Variants in APOB observed in about 807,000 individuals in gnomAD.
APOB encodes the protein apolipoprotein B-100.
A neutral mutation model predicts 314.1 loss-of-function variants in APOB; 153 were observed. That is an observed-to-expected ratio of 0.49 (90% CI 0.43 to 0.56). The LOEUF is 0.56. Among genes scored for constraint, APOB ranks in the 20% least tolerant of loss-of-function variants. APOB has a pLI of 0.00. For synonymous variants in APOB, 2,087 were observed against 2,036.4 expected (o/e 1.02, Z -0.67); for missense variants, 5,430 against 5,350.7 (o/e 1.01, Z -0.46).
chr2:21,013,079 C>T (rs1321274717), intron 25 of APOB, 81 bp downstream of exon 25: 1 of 1,577,928 alleles, frequency 6.3e-7, no homozygotes, highest in Non-Finnish European at 8.7e-7. Flanking sequence ...AAGCCAAAGT[C>T]CTTTCCTCCC....
In APOB at chr2:21,041,026, G is replaced by A; in HGVS notation, c.295C>T (p.Leu99=). The change falls in exon 4 of 29, where the codon CTG becomes TTG. Residue 99 remains leucine (L), a synonymous_variant. Transcript: ENST00000233242. ...GGGTTGAAGCCATACACCTCTTTCA[G>A]GGTGCACTGGCTGGTCTTCAGGATG... is the stretch of plus-strand genomic sequence containing the variant. ...SFILKTSQCT[L]KEVYGFNPEG... 6.2e-7 allele frequency: 1 copy of A among 1,613,588 alleles called. No homozygotes were observed. Among genetic ancestry groups the A allele is most frequent in the Non-Finnish European group, 8.5e-7 (1 of 1,179,930 alleles).
chr2:21,006,952 C>T lies in APOB; in HGVS notation c.9916G>A (p.Val3306Ile). 3.1e-6 allele frequency: 5 copies of T among 1,614,026 alleles called. No homozygotes were observed. The highest frequency in any genetic ancestry group is 1.6e-4 in the Middle Eastern group (1 of 6,062). ...TTGAGATTTCTAGGGACATGAAGGA[C>T]TGGCAGCTCTAATGATGGCAGGATT... ...TLILPSLELP[V>I]LHVPRNLKLS... Residue 3306 changes from valine to isoleucine, a missense_variant, in exon 26 of 29, where the codon GTC becomes ATC. Transcript: ENST00000233242.
chr2:21,040,160 A>G (rs1057236497), intron 4 of APOB, among the ~76,000 whole-genome samples: 2 of 152,216 alleles, frequency 1.3e-5, no homozygotes, highest in Non-Finnish European at 2.9e-5. Context: ...CACCATCTAC[A>G]TAAGATGTGA....
At chr2:21,027,487 G>C (rs1234543462) in intron 14 of APOB, among the ~76,000 whole-genome samples, 1 of 151,932 alleles carries the variant, frequency 6.6e-6, no homozygotes, top group Non-Finnish European at 1.5e-5. Flanking sequence ...CTAATTTTTT[G>C]TATTTTTAGT....
In APOB at chr2:21,005,743, CA is replaced by C. The variant is rs1282116285; in HGVS notation, c.11124del (p.Phe3708LeufsTer16). The C allele has an allele frequency of 8.7e-6, 14 of 1,613,912 alleles. No homozygotes were observed. The highest frequency in any genetic ancestry group is 1.2e-5 in the Non-Finnish European group (14 of 1,179,956). ...TAGCCATTGGGGTTTTTGGTGTACA[CA>C]AAGGCAGTTGAAACACGAAGATGCT... The part of the protein sequence containing the change: ...RRQHLRVSTA[F>X]VYTKNPNGYS... On this transcript the variant is annotated frameshift_variant, in exon 26 of 29. Transcript: ENST00000233242. LOFTEE classifies it high-confidence loss of function.
chr2:21,030,241 C>T (rs911954219), intron 10 of APOB, among the ~76,000 whole-genome samples: 2 of 152,264 alleles, frequency 1.3e-5, no homozygotes, highest in Admixed American at 1.3e-4. Flanking sequence ...ATGGTACTGG[C>T]ATAAAAATAG....
At position 21,007,941 on chromosome 2, in the gene APOB, T is replaced by C; in HGVS notation, c.8927A>G (p.Tyr2976Cys). 1 of 1,614,092 alleles carries C rather than the reference T, an allele frequency of 6.2e-7. No individual in the cohort carries two copies. ...AGAAAAGTTGAGGGAGCCAGATTCA[T>C]AAACCAAGTTTTGGTTTACTCTTAG... The part of the protein sequence containing the change: ...KHLRVNQNLV[Y>C]ESGSLNFSKL... The change falls in exon 26 of 29, where the codon TAT becomes TGT. Residue 2976 changes from tyrosine to cysteine, a missense_variant. Around this residue, in one of 3 missense-constraint regions of APOB, gnomAD observed 3,281 missense variants for 3,171.0 expected, o/e 1.03. Coordinates refer to ENST00000233242, the MANE Select transcript of APOB (RefSeq NM_000384.3).
In APOB at chr2:21,016,591, C is replaced by A. The variant is rs771767099; in HGVS notation, c.3180G>T (p.Leu1060Phe). Residue 1060 changes from leucine (L) to phenylalanine (F), a missense_variant, in exon 21 of 29, where the codon TTG (leucine) becomes TTT (phenylalanine). Transcript: ENST00000233242. ...AATCCGGAATTTGGACTTCACTGGA[C>A]AAGGTCATACTCTGCCGATTATATT... ...TFKYNRQSMT[L>F]SSEVQIPDFD... The A allele has an allele frequency of 6.2e-7, 1 of 1,612,598 alleles. No individual in the cohort carries two copies. The highest frequency in any genetic ancestry group is 1.7e-5 in the Admixed American group (1 of 60,016).
Position 21,013,360 on chromosome 2 carries a change from G to T in APOB, c.4016C>A (p.Thr1339Asn), listed in dbSNP as rs781507522. The T allele has an allele frequency of 6.2e-7, 1 of 1,614,246 alleles. No homozygotes were observed. The highest frequency in any genetic ancestry group is 1.3e-5 in the African/African-American group (1 of 75,068). Reference sequence around the variant, plus strand: ...TTGATACAACTTGGGAATGGTAAAAGTAGGGACTTGGAACTCTCGAGATGG... The same window carrying T: ...TTGATACAACTTGGGAATGGTAAAATTAGGGACTTGGAACTCTCGAGATGG... ...HLPSREFQVP[T>N]FTIPKLYQLQ... is the part of the protein sequence containing the mutation. The change falls in exon 25 of 29, where the codon ACT becomes AAT. Residue 1339 changes from threonine (T) to asparagine (N), a missense_variant. Coordinates refer to ENST00000233242, the MANE Select transcript of APOB (RefSeq NM_000384.3).
intron 1 of APOB, 105 bp from the exon 2 acceptor site, chr2:21,043,656 G>C: frequency 6.6e-7 from 1 of 1,521,624 alleles, no homozygotes; most frequent in South Asian, 1.2e-5. Flanking sequence ...TCAGGAGGGA[G>C]GCAGGCTCCG....
intron 5 of APOB, 73 bp from the exon 6 acceptor site, chr2:21,037,328 T>A: frequency 7.0e-7 from 1 of 1,418,444 alleles, no homozygotes; most frequent in South Asian, 1.2e-5. Flanking sequence ...AGGGATGGGG[T>A]GGGGATCGTG....
rs576873749 is a variant in APOB, at chr2:21,003,722, C to T, written c.12088-388G>A. Among the ~76,000 whole-genome samples the T allele has an allele frequency of 2.6e-5, 4 of 152,152 alleles. No individual in the cohort carries two copies. The South Asian group carries it at 8.3e-4, about 32-fold the overall frequency. The stretch of plus-strand genomic sequence containing the variant: ...AATAGCAAAAAAGGCAAGTTGGAGC[C>T]CACCCTGCAGAGACCCAGAATCCCA... On this transcript the variant is annotated intron_variant, in intron 28 of 28. Transcript: ENST00000233242.
Position 21,009,112 on chromosome 2 carries a change from T to C in APOB, c.7756A>G (p.Thr2586Ala). Residue 2586 changes from threonine to alanine, a missense_variant, in exon 26 of 29, where the codon ACT becomes GCT. This residue lies in a region of APOB where 3,281 missense variants were observed against 3,171.0 expected (regional missense o/e 1.03). Coordinates refer to ENST00000233242, the MANE Select transcript of APOB (RefSeq NM_000384.3). ...RMKALVEQGF[T>A]VPEIKTILGT... ...AGGATGGTCTTGATTTCAGGAACAG[T>C]GAACCCTTGCTCTACCAATGCTTTC... 2 of 1,614,076 alleles carry C rather than the reference T, an allele frequency of 1.2e-6. No homozygotes were observed. Among genetic ancestry groups the C allele is most frequent in the South Asian group, 1.1e-5 (1 of 91,084 alleles).
At chr2:21,020,002 CT>C in intron 18 of APOB, 97 bp from the exon 19 acceptor site, 9 of 1,086,290 alleles carry the variant, frequency 8.3e-6, no homozygotes, top group Non-Finnish European at 1.3e-5. Context: ...ATCCTCCTGT[CT>C]TCCCTCAGTC....
Position 21,008,422 on chromosome 2 carries a change from T to C in APOB, c.8446A>G (p.Asn2816Asp), listed in dbSNP as rs1663210481. 1 of 1,613,988 alleles carries C rather than the reference T, an allele frequency of 6.2e-7. No homozygotes were observed. The highest frequency in any genetic ancestry group is 1.7e-5 in the Admixed American group (1 of 59,996). Residue 2816 changes from asparagine to aspartate, a missense_variant, in exon 26 of 29, where the codon AAC becomes GAC. This residue lies in a region of APOB where 3,281 missense variants were observed against 3,171.0 expected (regional missense o/e 1.03). Transcript: ENST00000233242. ...FDFQANAQLS[N>D]PKINPLALKE... ...AGAGCCAGCGGATTAATCTTAGGGT[T>C]TGAGAGTTGTGCATTTGCTTGAAAA...
rs766605254 is a variant in APOB, at chr2:21,011,376, T to G, written c.5492A>C (p.Tyr1831Ser). 4 of 1,614,192 alleles carry G rather than the reference T, an allele frequency of 2.5e-6. No individual in the cohort carries two copies. The South Asian group carries it at 4.4e-5, about 18-fold the overall frequency. Residue 1831 changes from tyrosine (Y) to serine (S), a missense_variant, in exon 26 of 29, where the codon TAC becomes TCC. Around this residue, in one of 3 missense-constraint regions of APOB, gnomAD observed 64 missense variants for 99.9 expected, o/e 0.64. Transcript: ENST00000233242. ...GATGTGTTTTATTTCATTATTTTGG[T>G]AGGCTCCTTTTAGGTTACCAGCCAC... Reference protein sequence around the residue: ...LHVAGNLKGAYQNNEIKHIYA... With the variant: ...LHVAGNLKGASQNNEIKHIYA...
At chr2:21,037,310 TACTTGGG>T in intron 5 of APOB, 55 bp from the exon 6 acceptor site, 1 of 1,556,268 alleles carries the variant, frequency 6.4e-7, no homozygotes, top group Non-Finnish European at 8.8e-7. Flanking sequence ...CATCCTTGGG[TACTTGGG>T]AGGGATGGGG....
At chr2:21,043,222 A>G (rs1435019099) in intron 2 of APOB, among the ~76,000 whole-genome samples, 2 of 152,064 alleles carry the variant, frequency 1.3e-5, no homozygotes, top group Non-Finnish European at 2.9e-5. Context: ...CTAGTCACTG[A>G]TAAACAGGAC....
intron 26 of APOB, 41 bp from the exon 27 acceptor site, chr2:21,004,716 G>C: frequency 7.0e-7 from 1 of 1,427,960 alleles, no homozygotes; most frequent in East Asian, 2.3e-5. Context: ...ATTCATAACA[G>C]TAGGACGTTG....
Sources: allele counts gnomAD v4.1 joint callset (sites outside exome capture counted in the v4.1 genomes callset), GRCh38; gene constraint gnomAD v4.1.1; regional missense constraint gnomAD v4.1.1; transcripts MANE v1.5; gene names NCBI Gene and HGNC (gene_info 2026-07-23, HGNC 2026-07-21).